The following DCHS2 variants were observed in gnomAD, a reference collection of about 807,000 sequenced individuals.
The protein encoded by DCHS2 is dachsous cadherin-related 2.
In DCHS2, 142 loss-of-function variants were observed where a neutral mutation model predicts 182.4. The observed-to-expected ratio is 0.78, with a 90% confidence interval of 0.68 to 0.89. The LOEUF (loss-of-function observed/expected upper bound fraction) is 0.89, where lower values mean the gene tolerates loss of function less well. Ranked by LOEUF, DCHS2 falls within the 40% of genes least tolerant of loss-of-function variation. The pLI, the probability that DCHS2 is intolerant of heterozygous loss-of-function variation, is 0.00. For missense variants in DCHS2, 4,319 were observed against 4,198.6 expected (o/e 1.03, Z -0.79); for synonymous variants, 1,740 against 1,663.3 (o/e 1.05, Z -1.12).
chr4:154,275,646 A>G (rs1733820377), intron 13 of DCHS2, among the ~76,000 whole-genome samples: 1 of 152,106 alleles, frequency 6.6e-6, no homozygotes, highest in Non-Finnish European at 1.5e-5. Flanking sequence ...TTTCCTAAAC[A>G]CAGGAAATTT....
Position 154,366,350 on chromosome 4 carries a change from C to A in DCHS2, c.2336G>T (p.Ser779Ile). 3.7e-6 allele frequency: 6 copies of A among 1,613,826 alleles called. No homozygotes were observed. Among genetic ancestry groups the A allele is most frequent in the Non-Finnish European group, 4.2e-6 (5 of 1,179,896 alleles). Residue 779 changes from serine (S) to isoleucine (I), a missense_variant, in exon 3 of 20, where the codon AGC (serine) becomes ATC (isoleucine). Physicochemically the swap from Ser to Ile is moderately radical, Grantham distance 142. Coordinates refer to ENST00000357232, the MANE Select transcript of DCHS2 (RefSeq NM_001358235.2). ...PVFNPSTYVT[S>I]ISDETQPGTE... ...GCCTGGCTGGGTCTCATCACTGATG[C>A]TCGTCACATAGGTTGATGGGTTAAA...
At chr4:154,410,470 C>CAAAAAAAAAAAA (rs61280673) in intron 1 of DCHS2, among the ~76,000 whole-genome samples, 2 of 70,350 alleles carry the variant, frequency 2.8e-5, no homozygotes, top group African/African-American at 1.0e-4. Context: ...ACCCAGAGGG[C>CAAAAAAAAAAAA]AAAAAAAAAA....
chr4:154,287,819 T>C (rs1387483879), intron 13 of DCHS2, among the ~76,000 whole-genome samples: 1 of 152,162 alleles, frequency 6.6e-6, no homozygotes. Context: ...TTTGTTTGGT[T>C]GATTGTTTGT....
At chr4:154,353,718 C>T (rs968923453) in intron 3 of DCHS2, among the ~76,000 whole-genome samples, 15 of 152,220 alleles carry the variant, frequency 9.9e-5, no homozygotes, top group Admixed American at 3.3e-4. Context: ...CGAAGTGCTA[C>T]GCTATTTGTT....
chr4:154,445,438 G>A (rs955277220), intron 1 of DCHS2, among the ~76,000 whole-genome samples: 7 of 152,062 alleles, frequency 4.6e-5, no homozygotes, highest in Non-Finnish European at 7.4e-5. Context: ...CGTATAATTC[G>A]TTCTTCTTGC....
chr4:154,390,092 T>A (rs542122225), intron 1 of DCHS2, among the ~76,000 whole-genome samples: 20 of 150,850 alleles, frequency 1.3e-4, no homozygotes, highest in South Asian at 6.2e-4. Context: ...TCTTTTTTTT[T>A]ATTTTTTTAA....
intron 1 of DCHS2, among the ~76,000 whole-genome samples, chr4:154,467,910 A>C (rs949329328): frequency 1.3e-5 from 2 of 152,160 alleles, no homozygotes; most frequent in Non-Finnish European, 2.9e-5. Flanking sequence ...GTTCATGCCA[A>C]GATTATTGAA....
chr4:154,444,951 C>T (rs568948512), intron 1 of DCHS2, among the ~76,000 whole-genome samples: 1 of 152,314 alleles, frequency 6.6e-6, no homozygotes, highest in African/African-American at 2.4e-5. Flanking sequence ...GTCTTTTCTA[C>T]CTAGACGACT....
intron 9 of DCHS2, among the ~76,000 whole-genome samples, chr4:154,316,986 AT>A: frequency 6.6e-6 from 1 of 152,206 alleles, no homozygotes; most frequent in South Asian, 2.1e-4. Context: ...TTTTATAAGA[AT>A]TTTTCTTGAA....
At chr4:154,269,859 G>A (rs1733489256) in intron 14 of DCHS2, 41 bp downstream of exon 14, 2 of 1,580,242 alleles carry the variant, frequency 1.3e-6, no homozygotes, top group East Asian at 2.3e-5. Flanking sequence ...AACATTAAAT[G>A]GAGCAGAAAA....
intron 1 of DCHS2, among the ~76,000 whole-genome samples, chr4:154,420,959 T>C (rs755916032): frequency 8.5e-5 from 13 of 152,146 alleles, no homozygotes; most frequent in Middle Eastern, 6.3e-3. Flanking sequence ...AGTGCCTACT[T>C]GTAACCTGGT....
At chr4:154,402,322 C>T (rs1190676735) in intron 1 of DCHS2, among the ~76,000 whole-genome samples, 1 of 152,006 alleles carries the variant, frequency 6.6e-6, no homozygotes, top group Non-Finnish European at 1.5e-5. Flanking sequence ...GAAAGTTCCC[C>T]ATCTCCCAAC....
intron 3 of DCHS2, 24 bp from the exon 4 acceptor site, chr4:154,335,128 G>T: frequency 1.4e-6 from 2 of 1,408,510 alleles, no homozygotes; most frequent in Non-Finnish European, 2.0e-6. Context: ...AGAAAACATT[G>T]GTAAACAGAT....
chr4:154,332,742 ATGTT>A lies in DCHS2; in HGVS notation c.3462_3465del (p.Gln1154HisfsTer19). 5 of 1,614,230 alleles carry A rather than the reference ATGTT, an allele frequency of 3.1e-6. No individual in the cohort carries two copies. The highest frequency in any genetic ancestry group is 4.2e-6 in the Non-Finnish European group (5 of 1,180,048). On this transcript the variant is annotated frameshift_variant, in exon 5 of 20. Coordinates refer to ENST00000357232, the MANE Select transcript of DCHS2 (RefSeq NM_001358235.2). LOFTEE classifies it high-confidence loss of function. ...ATCCAAGCAAACACTCTAAAATTAT[ATGTT>A]TGGGTGGATTCATAGTCAAACTGTC...
rs895637217 is a variant in DCHS2 at position 154,315,687 on chromosome 4, C to A, written c.5260+61G>T. 3.5e-5 allele frequency: 55 copies of A among 1,568,540 alleles called. No homozygotes were observed. In the East Asian group the frequency reaches 1.2e-3, roughly 34 times the overall value. The stretch of plus-strand genomic sequence containing the variant: ...GAGCCATAACTATTATAAATTACGT[C>A]AATTATAATCTTCAATTTCTTTTAA... On this transcript the variant is annotated intron_variant, in intron 10 of 19. Coordinates refer to ENST00000357232, the MANE Select transcript of DCHS2 (RefSeq NM_001358235.2).
intron 14 of DCHS2, 80 bp from the exon 15 acceptor site, chr4:154,259,836 G>C (rs1041144253): frequency 1.4e-6 from 2 of 1,395,598 alleles, no homozygotes; most frequent in African/African-American, 1.5e-5. Flanking sequence ...TATTTATTTA[G>C]TTTTGAGACA....
rs980502053 is a variant in DCHS2, at chr4:154,440,967, C to A, written c.2052+48337G>T. 2.0e-5 allele frequency among the ~76,000 whole-genome samples: 3 copies of A among 152,196 alleles called. No homozygotes were observed. In the East Asian group the frequency reaches 5.8e-4, roughly 29 times the overall value. ...AGTTATAATGTGCAAAAGGCATACA[C>A]ATATATCTCACCAGTAAGTTGAGAG... On this transcript the variant is annotated intron_variant, in intron 1 of 19. Transcript: ENST00000357232.
chr4:154,340,961 A>G (rs903465389), intron 3 of DCHS2, among the ~76,000 whole-genome samples: 1 of 152,258 alleles, frequency 6.6e-6, no homozygotes, highest in Non-Finnish European at 1.5e-5. Context: ...AGCTATTATG[A>G]AGAGGGCTTA....
chr4:154,328,156 T>C lies in DCHS2; in HGVS notation c.3955A>G (p.Thr1319Ala). 1.9e-6 allele frequency: 3 copies of C among 1,609,490 alleles called. No individual in the cohort carries two copies. Among genetic ancestry groups the C allele is most frequent in the Non-Finnish European group, 2.5e-6 (3 of 1,177,922 alleles). ...EGQPVNMLVT[T>A]VFAKDPDEGN... The stretch of plus-strand genomic sequence containing the variant: ...TCATCAGGATCCTTTGCAAACACAG[T>C]TGTAACCAACATATTTACTGGTTGA... The change falls in exon 7 of 20, where the codon ACT (threonine) becomes GCT (alanine). Residue 1319 changes from threonine (T) to alanine (A), a missense_variant. Physicochemically the swap from Thr to Ala is moderately conservative, Grantham distance 58. Transcript: ENST00000357232.
Sources: gnomAD v4.1 joint callset for allele counts (sites outside exome capture counted in the v4.1 genomes callset) on GRCh38, gnomAD v4.1.1 for gene constraint, MANE v1.5 for transcripts, NCBI Gene and HGNC (gene_info 2026-07-23, HGNC 2026-07-21) for gene names.